The following PRKCI variants were observed in gnomAD, a reference collection of about 807,000 sequenced individuals.
PRKCI encodes protein kinase C iota type.
A neutral mutation model predicts 84.0 loss-of-function variants in PRKCI; 43 were observed. That is an observed-to-expected ratio of 0.51 (90% CI 0.40 to 0.66). The LOEUF is 0.66. Ranked by LOEUF, PRKCI falls within the 30% of genes least tolerant of loss-of-function variation. The pLI is 0.00. For synonymous variants in PRKCI, 216 were observed against 234.4 expected (o/e 0.92, Z 0.72); for missense variants, 459 against 745.6 (o/e 0.62, Z 4.48).
chr3:170,237,039 C>T (rs185542265), intron 2 of PRKCI, among the ~76,000 whole-genome samples: 39 of 152,196 alleles, frequency 2.6e-4, no homozygotes, highest in African/African-American at 9.2e-4. Flanking sequence ...CAAAGGAAGA[C>T]ACATCTATAA....
At chr3:170,265,089 T>A (rs2108851010) in intron 4 of PRKCI, among the ~76,000 whole-genome samples, 1 of 151,730 alleles carries the variant, frequency 6.6e-6, no homozygotes, top group Admixed American at 6.6e-5. Context: ...CCTGGGAGGC[T>A]GAGGCAGGAG....
Position 170,226,631 on chromosome 3 carries a change from T to C in PRKCI, c.101+3861T>C, listed in dbSNP as rs138688090. On this transcript the variant is annotated intron_variant, in intron 1 of 17. Transcript: ENST00000295797. ...ACATCTAGAAATAAAAGATTAACTC[T>C]TTGCATATTTGGAATAGCTGCTTCA... Among the ~76,000 whole-genome samples the C allele has an allele frequency of 6.1e-4, 93 of 152,330 alleles. No homozygotes were observed. The Middle Eastern group carries it at 0.014, about 22-fold the overall frequency.
At position 170,292,855 on chromosome 3, in the gene PRKCI, C is replaced by T. The variant is rs527860609; in HGVS notation, c.1292-528C>T. On this transcript the variant is annotated intron_variant, in intron 13 of 17. Coordinates refer to ENST00000295797, the MANE Select transcript of PRKCI (RefSeq NM_002740.6). ...AGGAAATCGAGACCATTCTGGCTAA[C>T]ATGGTGAAACCCTGTCTCTACTGAA... Among the ~76,000 whole-genome samples the T allele has an allele frequency of 9.3e-4, 142 of 151,996 alleles. 1 individual carries two copies. Among genetic ancestry groups the T allele is most frequent in the African/African-American group, 3.0e-3 (125 of 41,502 alleles).
intron 2 of PRKCI, among the ~76,000 whole-genome samples, chr3:170,248,377 G>A (rs1286830930): frequency 7.7e-6 from 1 of 130,522 alleles, no homozygotes; most frequent in East Asian, 2.1e-4. Context: ...ATATTGGGGG[G>A]GGGAAAAAAC....
At chr3:170,249,096 CCTCGGT>C (rs1733368633) in intron 2 of PRKCI, among the ~76,000 whole-genome samples, 2 of 152,180 alleles carry the variant, frequency 1.3e-5, no homozygotes, top group African/African-American at 4.8e-5. Flanking sequence ...GATCTGCCCA[CCTCGGT>C]CTCCCAAAGC....
intron 2 of PRKCI, among the ~76,000 whole-genome samples, chr3:170,250,458 G>A (rs1032340429): frequency 9.2e-6 from 1 of 109,090 alleles, no homozygotes; most frequent in South Asian, 2.9e-4. Flanking sequence ...AAAAAATCTC[G>A]TGTCTATTAG....
intron 7 of PRKCI, among the ~76,000 whole-genome samples, chr3:170,274,130 C>T (rs749474134): frequency 3.9e-5 from 6 of 151,926 alleles, no homozygotes; most frequent in Non-Finnish European, 7.4e-5. Flanking sequence ...TCAGGTGACT[C>T]GCTTTTTTCT....
intron 3 of PRKCI, among the ~76,000 whole-genome samples, chr3:170,261,801 C>T (rs890611027): frequency 2.0e-5 from 3 of 152,016 alleles, no homozygotes; most frequent in African/African-American, 7.2e-5. Flanking sequence ...TTTCTACCTC[C>T]AGAATTTGAC....
intron 1 of PRKCI, among the ~76,000 whole-genome samples, chr3:170,227,161 T>C (rs1732648732): frequency 6.6e-6 from 1 of 152,240 alleles, no homozygotes; most frequent in Admixed American, 6.5e-5. Context: ...CAGCCCTCCT[T>C]TTACAACTTT....
chr3:170,270,665 A>G, intron 6 of PRKCI, 104 bp downstream of exon 6: 2 of 1,333,362 alleles, frequency 1.5e-6, no homozygotes, highest in Non-Finnish European at 2.0e-6. Context: ...ATTACAGCAC[A>G]ACAGAGTAGC....
chr3:170,263,756 T>C (rs913920169), intron 4 of PRKCI, among the ~76,000 whole-genome samples: 1 of 151,932 alleles, frequency 6.6e-6, no homozygotes, highest in African/African-American at 2.4e-5. Flanking sequence ...AAGGTCGCAC[T>C]ACTTGCACTC....
At chr3:170,245,567 T>C (rs546967612) in intron 2 of PRKCI, among the ~76,000 whole-genome samples, 16 of 152,226 alleles carry the variant, frequency 1.1e-4, no homozygotes, top group Admixed American at 9.8e-4. Context: ...GTCCTCCTCA[T>C]TGGCATCCCG....
chr3:170,242,319 G>A (rs951362643), intron 2 of PRKCI, among the ~76,000 whole-genome samples: 2 of 151,972 alleles, frequency 1.3e-5, no homozygotes, highest in African/African-American at 2.4e-5. Flanking sequence ...GCTCATGCCT[G>A]TAATTCCAGC....
rs35474071 is a variant in PRKCI at position 170,250,272 on chromosome 3, GAA to G, written c.224-9685_224-9684del. 3.3e-3 allele frequency among the ~76,000 whole-genome samples: 350 copies of G among 104,584 alleles called. 1 individual carries two copies. Among genetic ancestry groups the G allele is most frequent in the African/African-American group, 0.011 (302 of 28,424 alleles). 68.6% of individuals were successfully genotyped at this position (104,584 alleles called of 152,430 possible). A position where few individuals can be genotyped will look rare whatever the true frequency, so the allele number is the denominator to read the frequency against. On this transcript the variant is annotated intron_variant, in intron 2 of 17. Transcript: ENST00000295797. The stretch of plus-strand genomic sequence containing the variant: ...TGGGTGACAGAGTGAGACTTGGTCT[GAA>G]AAAAAAAAAAAGCTAGACTCCACAT...
rs373558624 is a variant in PRKCI, at chr3:170,231,012, C to T, written c.102-4218C>T. Among the ~76,000 whole-genome samples the T allele has an allele frequency of 5.1e-4, 72 of 140,242 alleles. 1 individual carries two copies. In the South Asian group the frequency reaches 0.015, roughly 30 times the overall value. The allele number at this position is 140,242 out of a possible 152,430, so 92.0% of individuals were successfully genotyped here. On this transcript the variant is annotated intron_variant, in intron 1 of 17. Transcript: ENST00000295797. ...CCTTGCACTGTCACCCAGGCTGGAG[C>T]GCAGTGGCGTGATCTTGGCTCACTG...
intron 2 of PRKCI, among the ~76,000 whole-genome samples, chr3:170,254,622 T>A (rs1292846351): frequency 6.6e-6 from 1 of 152,154 alleles, no homozygotes; most frequent in Non-Finnish European, 1.5e-5. Context: ...TTGTAAAAAA[T>A]GAGTTCACTC....
intron 15 of PRKCI, among the ~76,000 whole-genome samples, chr3:170,296,790 C>T (rs1734693487): frequency 6.6e-6 from 1 of 152,080 alleles, no homozygotes; most frequent in East Asian, 1.9e-4. Flanking sequence ...AAAATGGGAA[C>T]ATATTCTCAT....
At chr3:170,272,574 C>T (rs1043363513) in intron 6 of PRKCI, among the ~76,000 whole-genome samples, 1 of 152,100 alleles carries the variant, frequency 6.6e-6, no homozygotes, top group Non-Finnish European at 1.5e-5. Context: ...GGAAAGGGGG[C>T]AGGGTTAGTG....
At chr3:170,273,735 A>C (rs986995132) in intron 7 of PRKCI, among the ~76,000 whole-genome samples, 1 of 151,856 alleles carries the variant, frequency 6.6e-6, no homozygotes, top group Non-Finnish European at 1.5e-5. Flanking sequence ...AAATCGCTTG[A>C]ACCCAGAAGT....
Sources: allele counts gnomAD v4.1 joint callset (sites outside exome capture counted in the v4.1 genomes callset), GRCh38; gene constraint gnomAD v4.1.1; transcripts MANE v1.5; gene names NCBI Gene and HGNC (gene_info 2026-07-23, HGNC 2026-07-21).